The following BTBD18 variants were observed in gnomAD, a reference collection of about 807,000 sequenced individuals.
BTBD18 encodes BTB/POZ domain-containing protein 18.
For synonymous variants in BTBD18, 311 were observed against 324.4 expected, an observed-to-expected ratio of 0.96 and a Z score of 0.44; for missense variants, 787 against 846.3, an observed-to-expected ratio of 0.93 and a Z score of 0.87.
chr11:57,751,960 T>C (rs1949320577), upstream of BTBD18, among the ~76,000 whole-genome samples: 2 of 152,188 alleles, frequency 1.3e-5, no homozygotes, highest in Admixed American at 6.6e-5. Flanking sequence ...AAAGCGAGCC[T>C]GACTGACCCT....
At position 57,745,627 on chromosome 11, in the gene BTBD18, T is replaced by C. The variant is rs765040991; in HGVS notation, c.646A>G (p.Thr216Ala). Reference protein sequence around the residue: ...LLKRKARACPTPQEKNSSPSS... With the variant: ...LLKRKARACPAPQEKNSSPSS... ...GGTGAAGAGTTTTTTTCTTGTGGAGTTGGGCAGGCTCTGGCCTTCCTCTTG... is the reference window on the plus strand; with the variant it reads ...GGTGAAGAGTTTTTTTCTTGTGGAGCTGGGCAGGCTCTGGCCTTCCTCTTG... The change falls in exon 3 of 3, where the codon ACT (threonine) becomes GCT (alanine). Residue 216 changes from threonine to alanine, a missense_variant. Coordinates refer to ENST00000422652, the MANE Select transcript of BTBD18 (RefSeq NM_001145101.3). 1.9e-6 allele frequency: 3 copies of C among 1,551,586 alleles called. No homozygotes were observed. In the South Asian group the frequency reaches 3.6e-5, roughly 18 times the overall value.
At chr11:57,751,347 ACAT>A (rs1949303893) in intron 1 of BTBD18, 111 bp from the exon 2 acceptor site, 1 of 527,860 alleles carries the variant, frequency 1.9e-6, no homozygotes, top group Non-Finnish European at 3.2e-6. Flanking sequence ...AGTTGAGGAA[ACAT>A]CAGCCCAGAA....
chr11:57,750,012 GA>G (rs753242079), intron 2 of BTBD18, among the ~76,000 whole-genome samples: 1 of 152,126 alleles, frequency 6.6e-6, no homozygotes, highest in Non-Finnish European at 1.5e-5. Flanking sequence ...AGTGTGAAGT[GA>G]AGGGGTGGAA....
chr11:57,751,011 C>G, intron 2 of BTBD18, 54 bp downstream of exon 2: 1 of 1,448,192 alleles, frequency 6.9e-7, no homozygotes, highest in African/African-American at 1.5e-5. Context: ...GCTCTGAACT[C>G]ATTTTATCTT....
rs1949139392 is a variant in BTBD18, at chr11:57,743,856, G to GGT, written c.*277_*278insAC. 3.0e-6 allele frequency: 1 copy of GGT among 328,474 alleles called. No homozygotes were observed. The highest frequency in any genetic ancestry group is 2.1e-5 in the African/African-American group (1 of 47,568). 20.3% of individuals were successfully genotyped at this position (328,474 alleles called of 1,614,324 possible). Reference sequence around the variant, plus strand: ...AGATCTGGCCTTGGCTGTTACCTATGACCCACCAGAATTGGGGAGCACACA... The same window carrying GGT: ...AGATCTGGCCTTGGCTGTTACCTATGGTACCCACCAGAATTGGGGAGCACACA... On this transcript the variant is annotated 3_prime_UTR_variant, in exon 3 of 3. Coordinates refer to ENST00000422652, the MANE Select transcript of BTBD18 (RefSeq NM_001145101.3).
In BTBD18 at chr11:57,745,484, G is replaced by A; in HGVS notation, c.789C>T (p.Ile263=). Residue 263 remains isoleucine, a synonymous_variant, in exon 3 of 3, where the codon ATC becomes ATT. Transcript: ENST00000422652. ...SVDKHLLPRK[I]RLSRSKPSPG... is the part of the protein sequence containing the mutation. ...GAGATGGCTTTGAGCGACTGAGCCTGATCTTTCTGGGCAACAGGTGTTTGT... is the reference window on the plus strand; with the variant it reads ...GAGATGGCTTTGAGCGACTGAGCCTAATCTTTCTGGGCAACAGGTGTTTGT... The A allele has an allele frequency of 6.5e-7, 1 of 1,549,942 alleles. No homozygotes were observed. The highest frequency in any genetic ancestry group is 1.2e-5 in the South Asian group (1 of 84,058).
intron 2 of BTBD18, among the ~76,000 whole-genome samples, chr11:57,750,283 G>A (rs754072826): frequency 2.0e-5 from 3 of 152,120 alleles, no homozygotes; most frequent in Non-Finnish European, 2.9e-5. Flanking sequence ...AGGCTGAGGC[G>A]GCAGAATCGC....
intron 2 of BTBD18, 36 bp from the exon 3 acceptor site, chr11:57,746,184 G>C: frequency 6.8e-7 from 1 of 1,474,126 alleles, no homozygotes; most frequent in Non-Finnish European, 9.1e-7. Flanking sequence ...TTATCAGGTA[G>C]ACTGGCATGT....
intron 2 of BTBD18, among the ~76,000 whole-genome samples, chr11:57,749,459 A>G (rs1438488834): frequency 6.6e-6 from 1 of 152,206 alleles, no homozygotes; most frequent in African/African-American, 2.4e-5. Context: ...TTAGAATCAG[A>G]TGAGACATGG....
Position 57,744,075 on chromosome 11 carries a change from CT to C in BTBD18, c.*58del, listed in dbSNP as rs1425136183. 3 of 1,316,448 alleles carry C rather than the reference CT, an allele frequency of 2.3e-6. No homozygotes were observed. Among genetic ancestry groups the C allele is most frequent in the Non-Finnish European group, 3.1e-6 (3 of 960,732 alleles). The allele number at this position is 1,316,448 out of a possible 1,614,324, so 81.5% of individuals were successfully genotyped here. On this transcript the variant is annotated 3_prime_UTR_variant, in exon 3 of 3. Coordinates refer to ENST00000422652, the MANE Select transcript of BTBD18 (RefSeq NM_001145101.3). ...CGTGCCAGCTTCTCTGCCAGTAAGC[CT>C]TTTGCTAGCTAACATTTCCCACCCT... is the stretch of plus-strand genomic sequence containing the variant.
Position 57,744,175 on chromosome 11 carries a change from G to T in BTBD18, c.2098C>A (p.Pro700Thr). ...PTTVPSVWPD[P>T]SSESETEVDI... ...ACCTCTGTTTCTGACTCTGAGGAAGGGTCAGGCCACACGGAGGGAACAGTA... is the reference window on the plus strand; with the variant it reads ...ACCTCTGTTTCTGACTCTGAGGAAGTGTCAGGCCACACGGAGGGAACAGTA... The change falls in exon 3 of 3, where the codon CCT (proline) becomes ACT (threonine). Residue 700 changes from proline (P) to threonine (T), a missense_variant. Transcript: ENST00000422652. 6.4e-7 allele frequency: 1 copy of T among 1,551,498 alleles called. No individual in the cohort carries two copies. The highest frequency in any genetic ancestry group is 1.2e-5 in the South Asian group (1 of 84,038).
In BTBD18 at chr11:57,745,402, C is replaced by T; in HGVS notation, c.871G>A (p.Ala291Thr). The part of the protein sequence containing the change: ...SILSGSSSVP[A>T]TPGRRLWRQR... Reference sequence around the variant, plus strand: ...CGCCAAAGACGCCGGCCAGGGGTTGCAGGCACTGAGCTAGATCCACTTAAA... The same window carrying T: ...CGCCAAAGACGCCGGCCAGGGGTTGTAGGCACTGAGCTAGATCCACTTAAA... The change falls in exon 3 of 3, where the codon GCA becomes ACA. Residue 291 changes from alanine (A) to threonine (T), a missense_variant. Physicochemically the swap from Ala to Thr is moderately conservative, Grantham distance 58. Transcript: ENST00000422652. 1 of 1,551,700 alleles carries T rather than the reference C, an allele frequency of 6.4e-7. No individual in the cohort carries two copies. Among genetic ancestry groups the T allele is most frequent in the Non-Finnish European group, 8.7e-7 (1 of 1,147,006 alleles).
Position 57,744,897 on chromosome 11 carries a change from A to G in BTBD18, c.1376T>C (p.Leu459Ser). The change falls in exon 3 of 3, where the codon TTG becomes TCG. Residue 459 changes from leucine to serine, a missense_variant. Leu to Ser is a moderately radical substitution (Grantham distance 145, BLOSUM62 -2). Coordinates refer to ENST00000422652, the MANE Select transcript of BTBD18 (RefSeq NM_001145101.3). ...ATAGGGTTCTCTGCAGTCAATAGCCAACATAGGTTCCTTCTCTACCAGTTC... is the reference window on the plus strand; with the variant it reads ...ATAGGGTTCTCTGCAGTCAATAGCCGACATAGGTTCCTTCTCTACCAGTTC... Reference protein sequence around the residue: ...SPELVEKEPMLAIDCREPYAF... With the variant: ...SPELVEKEPMSAIDCREPYAF... 1 of 1,551,610 alleles carries G rather than the reference A, an allele frequency of 6.4e-7. No homozygotes were observed. Among genetic ancestry groups the G allele is most frequent in the South Asian group, 1.2e-5 (1 of 84,040 alleles).
At chr11:57,750,910 G>A (rs1949293269) in intron 2 of BTBD18, among the ~76,000 whole-genome samples, 155 bp downstream of exon 2, 1 of 152,242 alleles carries the variant, frequency 6.6e-6, no homozygotes, top group Admixed American at 6.5e-5. Flanking sequence ...GAAAACAGTA[G>A]TAATTGTCCT....
Position 57,744,157 on chromosome 11 carries a change from T to C in BTBD18, c.2116A>G (p.Thr706Ala), listed in dbSNP as rs1003481661. ...VWPDPSSESE[T>A]EVDILT ...CACTATGTTAGTATATCTACCTCTG[T>C]TTCTGACTCTGAGGAAGGGTCAGGC... Residue 706 changes from threonine (T) to alanine (A), a missense_variant, in exon 3 of 3, where the codon ACA (threonine) becomes GCA (alanine). By Grantham distance (58) the Thr-to-Ala change is moderately conservative. Coordinates refer to ENST00000422652, the MANE Select transcript of BTBD18 (RefSeq NM_001145101.3). 3.9e-6 allele frequency: 6 copies of C among 1,550,748 alleles called. No individual in the cohort carries two copies. Among genetic ancestry groups the C allele is most frequent in the Non-Finnish European group, 5.2e-6 (6 of 1,146,498 alleles).
upstream of BTBD18, among the ~76,000 whole-genome samples, chr11:57,751,968 C>G (rs148521746): frequency 2.6e-5 from 4 of 152,116 alleles, no homozygotes; most frequent in Non-Finnish European, 4.4e-5. Context: ...CCTGACTGAC[C>G]CTGGTAGTAG....
At position 57,744,845 on chromosome 11, in the gene BTBD18, C is replaced by A; in HGVS notation, c.1428G>T (p.Gln476His). The change falls in exon 3 of 3, where the codon CAG becomes CAT. Residue 476 changes from glutamine to histidine, a missense_variant. Physicochemically the swap from Gln to His is conservative, Grantham distance 24. Transcript: ENST00000422652. ...PYAFDTALLE[Q>H]PCEAEEYRIT... Reference sequence around the variant, plus strand: ...TTCGGTACTCCTCAGCCTCACAGGGCTGCTCCAGCAGAGCTGTGTCAAATG... The same window carrying A: ...TTCGGTACTCCTCAGCCTCACAGGGATGCTCCAGCAGAGCTGTGTCAAATG... The A allele has an allele frequency of 3.2e-6, 5 of 1,551,750 alleles. No homozygotes were observed. Among genetic ancestry groups the A allele is most frequent in the East Asian group, 2.4e-5 (1 of 40,926 alleles).
At position 57,745,084 on chromosome 11, in the gene BTBD18, A is replaced by G. The variant is rs920814653; in HGVS notation, c.1189T>C (p.Ser397Pro). The G allele has an allele frequency of 7.7e-6, 12 of 1,551,490 alleles. No individual in the cohort carries two copies. Among genetic ancestry groups the G allele is most frequent in the Non-Finnish European group, 1.0e-5 (12 of 1,146,984 alleles). ...TTACTGGAGAATGGCTGAGTTCCTG[A>G]AGGCTCTTGGAAGTCTCCTCCGGGA... ...PDPGGDFQEPSGTQPFSSNEQ... is the reference protein window; with the variant it reads ...PDPGGDFQEPPGTQPFSSNEQ... The change falls in exon 3 of 3, where the codon TCA becomes CCA. Residue 397 changes from serine (S) to proline (P), a missense_variant. Coordinates refer to ENST00000422652, the MANE Select transcript of BTBD18 (RefSeq NM_001145101.3).
At position 57,745,484 on chromosome 11, in the gene BTBD18, G is replaced by C; in HGVS notation, c.789C>G (p.Ile263Met). 6.5e-7 allele frequency: 1 copy of C among 1,549,942 alleles called. No homozygotes were observed. The highest frequency in any genetic ancestry group is 1.2e-5 in the South Asian group (1 of 84,058). The change falls in exon 3 of 3, where the codon ATC becomes ATG. Residue 263 changes from isoleucine to methionine, a missense_variant. Ile to Met is a conservative substitution (Grantham distance 10). Transcript: ENST00000422652. ...SVDKHLLPRKIRLSRSKPSPG... is the reference protein window; with the variant it reads ...SVDKHLLPRKMRLSRSKPSPG... ...GAGATGGCTTTGAGCGACTGAGCCTGATCTTTCTGGGCAACAGGTGTTTGT... is the reference window on the plus strand; with the variant it reads ...GAGATGGCTTTGAGCGACTGAGCCTCATCTTTCTGGGCAACAGGTGTTTGT...
Sources: allele counts gnomAD v4.1 joint callset (sites outside exome capture counted in the v4.1 genomes callset), GRCh38; gene constraint gnomAD v4.1.1; transcripts MANE v1.5; gene names NCBI Gene and HGNC (gene_info 2026-07-23, HGNC 2026-07-21).